Variants in SLCO3A1 observed in about 807,000 individuals in gnomAD.
SLCO3A1 encodes the protein PGE1 transporter.
In SLCO3A1, 27 loss-of-function variants were observed where a neutral mutation model predicts 63.1. The observed-to-expected ratio is 0.43, with a 90% CI of 0.32 to 0.59. SLCO3A1 has a LOEUF of 0.59. SLCO3A1 is among the 20% of genes least tolerant of loss of function. The pLI is 0.09. For synonymous variants in SLCO3A1, 473 were observed against 409.9 expected (o/e 1.15, Z -1.86); for missense variants, 773 against 945.8 (o/e 0.82, Z 2.40).
chr15:92,016,307 T>G (rs1272031627), intron 2 of SLCO3A1, among the ~76,000 whole-genome samples: 1 of 132,746 alleles, frequency 7.5e-6, no homozygotes, highest in African/African-American at 2.8e-5. Flanking sequence ...ATATTATGTA[T>G]TTGATATAAA....
chr15:92,129,079 A>C (rs2047961440), intron 7 of SLCO3A1, among the ~76,000 whole-genome samples: 1 of 152,164 alleles, frequency 6.6e-6, no homozygotes, highest in Admixed American at 6.5e-5. Context: ...ACCTGATGCT[A>C]AGTGACGGGT....
At chr15:91,914,714 G>A (rs1032045399) in intron 1 of SLCO3A1, among the ~76,000 whole-genome samples, 1 of 151,928 alleles carries the variant, frequency 6.6e-6, no homozygotes, top group Non-Finnish European at 1.5e-5. Context: ...TGGGATTATA[G>A]GTATGCACCA....
At chr15:91,887,325 G>T (rs188703393) in intron 1 of SLCO3A1, among the ~76,000 whole-genome samples, 1 of 152,150 alleles carries the variant, frequency 6.6e-6, no homozygotes, top group Non-Finnish European at 1.5e-5. Context: ...CCTGAGTTTT[G>T]ATGTCGAGAC....
intron 9 of SLCO3A1, among the ~76,000 whole-genome samples, chr15:92,158,391 T>C (rs1200189409): frequency 6.6e-6 from 1 of 152,028 alleles, no homozygotes; most frequent in African/African-American, 2.4e-5. Flanking sequence ...GATTATTGGG[T>C]TTGGAATTTT....
intron 2 of SLCO3A1, among the ~76,000 whole-genome samples, chr15:92,054,368 T>G (rs571004541): frequency 3.9e-4 from 60 of 152,378 alleles, no homozygotes; most frequent in African/African-American, 1.4e-3. Flanking sequence ...TTTTAACAGT[T>G]GTAGCACCAC....
intron 1 of SLCO3A1, among the ~76,000 whole-genome samples, chr15:91,868,559 G>C (rs1289337026): frequency 6.6e-6 from 1 of 152,160 alleles, no homozygotes; most frequent in African/African-American, 2.4e-5. Context: ...ATTGATGCGT[G>C]ACTTCCAGGC....
At position 92,162,810 on chromosome 15, in the gene SLCO3A1, T is replaced by C. The variant is rs756784482; in HGVS notation, c.1808T>C (p.Phe603Ser). 6.2e-7 allele frequency: 1 copy of C among 1,614,162 alleles called. No homozygotes were observed. The highest frequency in any genetic ancestry group is 1.1e-5 in the South Asian group (1 of 91,082). ...FGAGIDSTCL[F>S]WSTFCGEQGA... ...GCTGGCATCGACTCCACCTGCCTGT[T>C]CTGGAGCACGTTCTGTGGGGAGCAA... The change falls in exon 10 of 10, where the codon TTC (phenylalanine) becomes TCC (serine). Residue 603 changes from phenylalanine to serine, a missense_variant. Coordinates refer to ENST00000318445, the MANE Select transcript of SLCO3A1 (RefSeq NM_013272.4).
intron 3 of SLCO3A1, among the ~76,000 whole-genome samples, chr15:92,100,180 A>G (rs1264944739): frequency 1.2e-5 from 1 of 81,750 alleles, no homozygotes; most frequent in African/African-American, 3.5e-5. Flanking sequence ...TGGCTTCATG[A>G]CAGATATTTC....
At chr15:92,057,437 C>T (rs1567094581) in intron 2 of SLCO3A1, among the ~76,000 whole-genome samples, 1 of 152,332 alleles carries the variant, frequency 6.6e-6, no homozygotes, top group African/African-American at 2.4e-5. Context: ...AAGCATCACA[C>T]ACAGTCCTTG....
chr15:92,132,242 A>G (rs1207473133), intron 7 of SLCO3A1, among the ~76,000 whole-genome samples: 1 of 146,274 alleles, frequency 6.8e-6, no homozygotes, highest in African/African-American at 2.5e-5. Flanking sequence ...TTAGATGTAA[A>G]TAAGTCACTG....
chr15:92,165,580 A>AGAT lies in SLCO3A1; in HGVS notation c.*2447_*2449dup, dbSNP rs1198393409. 7.1e-6 allele frequency: 7 copies of AGAT among 984,862 alleles called. No homozygotes were observed. In the African/African-American group the frequency reaches 1.2e-4, roughly 17 times the overall value. The allele number at this position is 984,862 out of a possible 1,614,324, so 61.0% of individuals were successfully genotyped here. A position where few individuals can be genotyped will look rare whatever the true frequency, so the allele number is the denominator to read the frequency against. Reference sequence around the variant, plus strand: ...TAAGATTTTAGGATGAATGTGAAAAAGATGTTAGAATAACAGGAAGACAAC... The same window carrying AGAT: ...TAAGATTTTAGGATGAATGTGAAAAAGATGATGTTAGAATAACAGGAAGACAAC... On this transcript the variant is annotated 3_prime_UTR_variant, in exon 10 of 10. Coordinates refer to ENST00000318445, the MANE Select transcript of SLCO3A1 (RefSeq NM_013272.4).
chr15:91,854,509 T>C lies in SLCO3A1; in HGVS notation c.180+421T>C, dbSNP rs1397992537. 2.0e-5 allele frequency: 6 copies of C among 294,994 alleles called. No individual in the cohort carries two copies. Among genetic ancestry groups the C allele is most frequent in the East Asian group, 1.7e-4 (1 of 5,998 alleles). 18.3% of individuals were successfully genotyped at this position (294,994 alleles called of 1,614,324 possible). A position where few individuals can be genotyped will look rare whatever the true frequency, so the allele number is the denominator to read the frequency against. On this transcript the variant is annotated intron_variant, in intron 1 of 9. Coordinates refer to ENST00000318445, the MANE Select transcript of SLCO3A1 (RefSeq NM_013272.4). This position sits in a 1 kb window ranked among gnomAD's most constrained non-coding sequence, Gnocchi z 6.4. ...AAACCAGTTAGCATCCTGCGTCCTC[T>C]ACTCTCCATTGCATCCTCCTCGAGA... is the stretch of plus-strand genomic sequence containing the variant.
intron 1 of SLCO3A1, among the ~76,000 whole-genome samples, chr15:91,861,556 G>A (rs1897048064): frequency 1.3e-5 from 2 of 152,180 alleles, no homozygotes; most frequent in Admixed American, 1.3e-4. Flanking sequence ...GACAATAGTT[G>A]CACTTATTCC....
chr15:92,112,594 G>GT lies in SLCO3A1; in HGVS notation c.1010-7870dup, dbSNP rs527510936. On this transcript the variant is annotated intron_variant, in intron 4 of 9. Coordinates refer to ENST00000318445, the MANE Select transcript of SLCO3A1 (RefSeq NM_013272.4). ...CAATTGCCAATGAATGCCAGAAGCA[G>GT]TGGGGGGTTCTTTGAGTGGCCTCCT... 2.4e-3 allele frequency among the ~76,000 whole-genome samples: 359 copies of GT among 152,338 alleles called. 3 individuals are homozygous for GT. Among genetic ancestry groups the GT allele is most frequent in the African/African-American group, 7.5e-3 (312 of 41,572 alleles).
chr15:92,047,127 A>ATG lies in SLCO3A1; in HGVS notation c.647-47753_647-47752insGT, dbSNP rs1332896112. 5.8e-3 allele frequency among the ~76,000 whole-genome samples: 72 copies of ATG among 12,344 alleles called. 18 individuals are homozygous for ATG. The highest frequency in any genetic ancestry group is 0.022 in the African/African-American group (68 of 3,040). The allele number at this position is 12,344 out of a possible 152,430, so 8.1% of individuals were successfully genotyped here. A position where few individuals can be genotyped will look rare whatever the true frequency, so the allele number is the denominator to read the frequency against. On this transcript the variant is annotated intron_variant, in intron 2 of 9. Coordinates refer to ENST00000318445, the MANE Select transcript of SLCO3A1 (RefSeq NM_013272.4). ...ATATATATATAATATATAAATATAT[A>ATG]TACAAATATATATATAATATATAAA...
chr15:92,006,579 G>C (rs775115258), intron 2 of SLCO3A1, among the ~76,000 whole-genome samples: 72 of 152,230 alleles, frequency 4.7e-4, no homozygotes, highest in Non-Finnish European at 9.4e-4. Flanking sequence ...AGCCCTTTCT[G>C]TGCCCAACAC....
chr15:91,975,691 CT>C (rs779639131), intron 2 of SLCO3A1, among the ~76,000 whole-genome samples: 12 of 152,244 alleles, frequency 7.9e-5, no homozygotes, highest in Non-Finnish European at 1.8e-4. Flanking sequence ...TGCGTCTGCA[CT>C]GCTAGCACAG....
downstream of SLCO3A1, among the ~76,000 whole-genome samples, chr15:92,169,020 C>G (rs768166824): frequency 4.1e-4 from 63 of 152,192 alleles, no homozygotes; most frequent in Non-Finnish European, 8.1e-4. Flanking sequence ...AACACTGGCA[C>G]CCTAAAGTTA....
intron 4 of SLCO3A1, among the ~76,000 whole-genome samples, chr15:92,108,572 G>T (rs148382856): frequency 6.6e-6 from 1 of 152,346 alleles, no homozygotes; most frequent in East Asian, 1.9e-4. Context: ...TCATCAGATA[G>T]TGTATTAAAT....
Sources: allele counts gnomAD v4.1 joint callset (sites outside exome capture counted in the v4.1 genomes callset), GRCh38; gene constraint gnomAD v4.1.1; non-coding constraint Gnocchi (gnomAD v3.1); transcripts MANE v1.5; gene names NCBI Gene and HGNC (gene_info 2026-07-23, HGNC 2026-07-21).